The following KLHL4 variants were observed in gnomAD, a reference collection of about 807,000 sequenced individuals.
KLHL4 encodes kelch-like protein 4.
In KLHL4, 17 loss-of-function variants were observed where a neutral mutation model predicts 45.8. The observed-to-expected ratio is 0.37, with a 90% CI of 0.25 to 0.56. The LOEUF is 0.56. KLHL4 is among the 20% of genes least tolerant of loss of function. The pLI is 0.79. For synonymous variants in KLHL4, 224 were observed against 189.9 expected, an observed-to-expected ratio of 1.18 and a Z score of -1.47; for missense variants, 544 against 544.9, an observed-to-expected ratio of 1.00 and a Z score of 0.02.
intron 9 of KLHL4, among the ~76,000 whole-genome samples, chrX:87,652,964 C>G (rs1453476744): frequency 8.9e-6 from 1 of 112,111 alleles, no homozygotes; most frequent in Admixed American, 9.5e-5. Context: ...GTGAAAGGCA[C>G]TTCGTACATG....
intron 7 of KLHL4, among the ~76,000 whole-genome samples, chrX:87,633,111 T>C (rs1032763287): frequency 5.4e-5 from 6 of 111,431 alleles, no homozygotes; most frequent in Non-Finnish European, 1.1e-4. Flanking sequence ...TTCAATATAA[T>C]TGATATTAGC....
chrX:87,607,321 G>A (rs913405335), intron 1 of KLHL4, among the ~76,000 whole-genome samples: 6 of 110,836 alleles, frequency 5.4e-5, no homozygotes, highest in Non-Finnish European at 9.4e-5. Context: ...CATATGTTCC[G>A]TAGCATTGAT....
chrX:87,535,142 T>C (rs1398123835), intron 1 of KLHL4, among the ~76,000 whole-genome samples: 1 of 112,136 alleles, frequency 8.9e-6, no homozygotes, highest in Non-Finnish European at 1.9e-5. Flanking sequence ...TCATCCTTTC[T>C]ACTTCCATTG....
chrX:87,562,307 CT>C (rs1404808341), intron 1 of KLHL4, among the ~76,000 whole-genome samples: 1 of 109,924 alleles, frequency 9.1e-6, no homozygotes, highest in Non-Finnish European at 1.9e-5. Context: ...CAAGCAAACT[CT>C]TAAGATCCCC....
intron 1 of KLHL4, among the ~76,000 whole-genome samples, chrX:87,537,597 T>C (rs1485296608): frequency 2.7e-5 from 3 of 111,067 alleles, no homozygotes; most frequent in Non-Finnish European, 5.7e-5. Flanking sequence ...TGCCCTGTTA[T>C]CAAGGTATAA....
At chrX:87,659,627 T>C (rs1333354558) in intron 9 of KLHL4, among the ~76,000 whole-genome samples, 1 of 111,896 alleles carries the variant, frequency 8.9e-6, no homozygotes, top group African/African-American at 3.2e-5. Flanking sequence ...GTTTTTCTCT[T>C]GGCTTTAGCA....
At chrX:87,601,944 A>T (rs1922029854) in intron 1 of KLHL4, among the ~76,000 whole-genome samples, 1 of 111,088 alleles carries the variant, frequency 9.0e-6, no homozygotes, top group Admixed American at 9.6e-5. Context: ...TTGTTTAGTG[A>T]CATCTTAATA....
intron 1 of KLHL4, among the ~76,000 whole-genome samples, chrX:87,531,340 C>A (rs1931271282): frequency 9.0e-6 from 1 of 110,563 alleles, no homozygotes; most frequent in Admixed American, 9.7e-5. Flanking sequence ...AAGTCCTTGC[C>A]CATGCCTATG....
At chrX:87,575,917 CAA>C (rs1479960662) in intron 1 of KLHL4, among the ~76,000 whole-genome samples, 43 of 111,635 alleles carry the variant, frequency 3.9e-4, no homozygotes, top group African/African-American at 1.3e-3. Context: ...TTGATCCTGG[CAA>C]TACTGAAAAG....
At chrX:87,607,934 C>T (rs1922251145) in intron 1 of KLHL4, among the ~76,000 whole-genome samples, 1 of 111,295 alleles carries the variant, frequency 9.0e-6, no homozygotes, top group African/African-American at 3.3e-5. Flanking sequence ...ATGCCAGAGT[C>T]ACAAATCTAA....
chrX:87,630,656 G>A (rs1280496373), intron 6 of KLHL4, among the ~76,000 whole-genome samples: 1 of 112,169 alleles, frequency 8.9e-6, no homozygotes, highest in African/African-American at 3.2e-5. Flanking sequence ...ATTGCCTACT[G>A]AAGTGACAAT....
At chrX:87,548,857 A>AAAAAG (rs1556021854) in intron 1 of KLHL4, among the ~76,000 whole-genome samples, 5 of 109,313 alleles carry the variant, frequency 4.6e-5, no homozygotes, top group Non-Finnish European at 9.5e-5. Context: ...AAAAAAAAAA[A>AAAAAG]AGAGAGAAGA....
At chrX:87,573,784 G>A (rs981986970) in intron 1 of KLHL4, among the ~76,000 whole-genome samples, 1 of 111,442 alleles carries the variant, frequency 9.0e-6, no homozygotes, top group Non-Finnish European at 1.9e-5. Flanking sequence ...GGCTGTATGT[G>A]CTAAGCCATA....
chrX:87,644,135 C>T (rs1003810020), intron 9 of KLHL4, among the ~76,000 whole-genome samples: 1 of 110,739 alleles, frequency 9.0e-6, no homozygotes, highest in Non-Finnish European at 1.9e-5. Context: ...ATGATATGAT[C>T]GTTCACATTG....
chrX:87,634,615 A>G (rs1328404630), intron 8 of KLHL4, among the ~76,000 whole-genome samples: 1 of 112,076 alleles, frequency 8.9e-6, no homozygotes, highest in Non-Finnish European at 1.9e-5. Context: ...TTGACTATGC[A>G]TGAAGCCAAT....
intron 4 of KLHL4, among the ~76,000 whole-genome samples, chrX:87,621,466 T>C (rs935391550): frequency 1.8e-5 from 2 of 108,330 alleles, no homozygotes; most frequent in Non-Finnish European, 3.8e-5. Flanking sequence ...GAAAGAAGAA[T>C]TGAGATATAA....
chrX:87,586,598 A>T (rs1393703381), intron 1 of KLHL4, among the ~76,000 whole-genome samples: 3 of 111,176 alleles, frequency 2.7e-5, no homozygotes, highest in African/African-American at 9.8e-5. Flanking sequence ...GAAACACAAC[A>T]TATCAGAACC....
chrX:87,628,448 T>C (rs1037090450), intron 6 of KLHL4, among the ~76,000 whole-genome samples: 1 of 112,011 alleles, frequency 8.9e-6, no homozygotes, highest in African/African-American at 3.2e-5. Context: ...AAACATTAAA[T>C]GGGCAGCATT....
Position 87,613,919 on chromosome X carries a change from T to C in KLHL4, c.465T>C (p.Ser155=), listed in dbSNP as rs766968549. The C allele has an allele frequency of 8.3e-7, 1 of 1,204,389 alleles. No homozygotes were observed. The highest frequency in any genetic ancestry group is 1.1e-6 in the Non-Finnish European group (1 of 891,189). The change falls in exon 2 of 11, where the codon TCT becomes TCC. Residue 155 remains serine (S), a synonymous_variant. Transcript: ENST00000373119. ...CTGAAGACATGAATGCCACCAGATC[T>C]GAAGAGCAGTTCCATGTTATAAACC... ...QHSEDMNATR[S]EEQFHVINHA...
Sources: gnomAD v4.1 joint callset for allele counts (sites outside exome capture counted in the v4.1 genomes callset) on GRCh38, gnomAD v4.1.1 for gene constraint, MANE v1.5 for transcripts, NCBI Gene and HGNC (gene_info 2026-07-23, HGNC 2026-07-21) for gene names.